PROM1: variants seen among roughly 807,000 people sequenced by gnomAD.
PROM1 encodes prominin-1.
A neutral mutation model predicts 116.9 loss-of-function variants in PROM1; 105 were observed. That is an observed-to-expected ratio of 0.90 (90% CI 0.77 to 1.06). The LOEUF is 1.06. Among genes scored for constraint, PROM1 ranks in the 50% least tolerant of loss-of-function variants. The probability of loss-of-function intolerance (pLI) is 0.00; values close to 1 mark genes in which losing one functional copy is unlikely to be tolerated. For missense variants in PROM1, 1,122 were observed against 1,045.2 expected (o/e 1.07, Z -1.01); for synonymous variants, 393 against 387.0 (o/e 1.02, Z -0.18).
At position 16,004,832 on chromosome 4, in the gene PROM1, T is replaced by TTCTTTCTTTCTTTTTCTTC. The variant is rs1203366908; in HGVS notation, c.1454+1705_1454+1706insGAAGAAAAAGAAAGAAAGA. Reference sequence around the variant, plus strand: ...CTTTCTTTCTTTCTTTCTTTCTTTTTCTTCCTTCCTTCCTTCCTTCCTTCC... The same window carrying TTCTTTCTTTCTTTTTCTTC: ...CTTTCTTTCTTTCTTTCTTTCTTTTTTCTTTCTTTCTTTTTCTTCCTTCCTTCCTTCCTTCCTTCCTTCC... On this transcript the variant is annotated intron_variant, in intron 13 of 27. Transcript: ENST00000447510. Among the ~76,000 whole-genome samples, 6 of 122,612 alleles carry TTCTTTCTTTCTTTTTCTTC rather than the reference T, an allele frequency of 4.9e-5. No homozygotes were observed. In the East Asian group the frequency reaches 1.5e-3, roughly 30 times the overall value. The allele number at this position is 122,612 out of a possible 152,430, so 80.4% of individuals were successfully genotyped here.
intron 10 of PROM1, among the ~76,000 whole-genome samples, chr4:16,013,982 G>A (rs1727621793): frequency 6.6e-6 from 1 of 152,026 alleles, no homozygotes; most frequent in Non-Finnish European, 1.5e-5. Flanking sequence ...GCTTACAGAG[G>A]ATACAACTGT....
At chr4:15,979,279 A>G in intron 26 of PROM1, 116 bp downstream of exon 26, 2 of 1,496,092 alleles carry the variant, frequency 1.3e-6, no homozygotes, top group Non-Finnish European at 1.8e-6. Context: ...GCATTGATAA[A>G]GTATCATACA....
intron 4 of PROM1, among the ~76,000 whole-genome samples, chr4:16,034,344 T>G (rs1250902927): frequency 6.6e-6 from 1 of 152,184 alleles, no homozygotes; most frequent in Non-Finnish European, 1.5e-5. Context: ...ATACGTACCT[T>G]GTCAAGTCAT....
Position 15,968,882 on chromosome 4 carries a change from A to G in PROM1, c.*511T>C, listed in dbSNP as rs1193589538. The stretch of plus-strand genomic sequence containing the variant: ...CCAAGAAGTCAATGGTGACTTATTT[A>G]GCTCATTTAGAAGAAAGTCCTATAA... On this transcript the variant is annotated 3_prime_UTR_variant, in exon 28 of 28. Coordinates refer to ENST00000447510, the MANE Select transcript of PROM1 (RefSeq NM_006017.3). 6.6e-6 allele frequency: 1 copy of G among 152,258 alleles called. No homozygotes were observed. Among genetic ancestry groups the G allele is most frequent in the Non-Finnish European group, 1.5e-5 (1 of 68,044 alleles). 9.4% of individuals were successfully genotyped at this position (152,258 alleles called of 1,614,324 possible). A position where few individuals can be genotyped will look rare whatever the true frequency, so the allele number is the denominator to read the frequency against.
intron 4 of PROM1, 111 bp from the exon 5 acceptor site, chr4:16,033,620 C>T (rs1187026979): frequency 1.9e-5 from 16 of 849,490 alleles, no homozygotes; most frequent in African/African-American, 1.6e-4. Flanking sequence ...GACAGGGTCT[C>T]GCTCTGTTGC....
chr4:16,004,890 TCCCC>T (rs1459984731), intron 13 of PROM1, among the ~76,000 whole-genome samples: 4 of 111,258 alleles, frequency 3.6e-5, no homozygotes, highest in Non-Finnish European at 5.7e-5. Flanking sequence ...TCTCTCTCCC[TCCCC>T]CTCTCTCTCT....
chr4:15,989,726 T>C lies in PROM1; in HGVS notation c.2076+6A>G. 1 of 1,589,160 alleles carries C rather than the reference T, an allele frequency of 6.3e-7. No homozygotes were observed. Among genetic ancestry groups the C allele is most frequent in the Non-Finnish European group, 8.6e-7 (1 of 1,162,304 alleles). On this transcript the variant is annotated splice_donor_region_variant and intron_variant, in intron 19 of 27. Coordinates refer to ENST00000447510, the MANE Select transcript of PROM1 (RefSeq NM_006017.3). ...CAGTGAAATACAATACGTCGTTGAC[T>C]GTTACCAGTGATTGTTCTATAGGAA...
At chr4:16,054,304 A>G (rs1393211453) in intron 2 of PROM1, among the ~76,000 whole-genome samples, 1 of 152,032 alleles carries the variant, frequency 6.6e-6, no homozygotes, top group Non-Finnish European at 1.5e-5. Context: ...GCCTCCATCA[A>G]TTGTCTTTAA....
intron 12 of PROM1, among the ~76,000 whole-genome samples, chr4:16,006,927 G>A (rs1283140005): frequency 6.6e-6 from 1 of 152,156 alleles, no homozygotes; most frequent in African/African-American, 2.4e-5. Flanking sequence ...TGTTCCTGGT[G>A]GTCATGGGAT....
chr4:16,067,776 C>G (rs1279791916), intron 2 of PROM1, among the ~76,000 whole-genome samples: 1 of 152,204 alleles, frequency 6.6e-6, no homozygotes, highest in Non-Finnish European at 1.5e-5. Context: ...TCAGCCGCCC[C>G]TTTCCTGGGT....
At chr4:15,973,233 C>G (rs965853615) in intron 26 of PROM1, among the ~76,000 whole-genome samples, 1 of 152,160 alleles carries the variant, frequency 6.6e-6, no homozygotes, top group Non-Finnish European at 1.5e-5. Flanking sequence ...GATCACTTGA[C>G]GTCAGGAGTT....
chr4:16,021,966 A>C (rs191470292), intron 8 of PROM1, among the ~76,000 whole-genome samples: 25 of 152,278 alleles, frequency 1.6e-4, no homozygotes, highest in Admixed American at 1.6e-3. Context: ...CTAATCCAAC[A>C]GAACTGATGT....
chr4:15,983,180 G>A (rs756637130), intron 23 of PROM1, among the ~76,000 whole-genome samples: 5 of 152,138 alleles, frequency 3.3e-5, no homozygotes, highest in African/African-American at 1.2e-4. Context: ...TGAGGAAAAC[G>A]GAGCTCAGCC....
intron 13 of PROM1, among the ~76,000 whole-genome samples, chr4:16,001,802 A>G (rs1328753250): frequency 6.6e-6 from 1 of 152,176 alleles, no homozygotes; most frequent in Non-Finnish European, 1.5e-5. Flanking sequence ...GCTATAGGGA[A>G]GAGGCAGTGT....
chr4:16,012,363 C>T (rs1727093194), intron 11 of PROM1, among the ~76,000 whole-genome samples: 1 of 152,166 alleles, frequency 6.6e-6, no homozygotes, highest in African/African-American at 2.4e-5. Flanking sequence ...ACTGCTTCCA[C>T]TGCATTCTCT....
chr4:16,077,744 G>A (rs1436742995), intron 1 of PROM1, among the ~76,000 whole-genome samples: 2 of 152,116 alleles, frequency 1.3e-5, no homozygotes, highest in Non-Finnish European at 2.9e-5. Flanking sequence ...GCTCTAGTAC[G>A]AGCCACTGGG....
At chr4:15,996,985 G>A (rs947805396) in intron 15 of PROM1, among the ~76,000 whole-genome samples, 1 of 151,832 alleles carries the variant, frequency 6.6e-6, no homozygotes, top group Non-Finnish European at 1.5e-5. Context: ...CCGGCCCTTC[G>A]GTCTCACAGT....
At chr4:16,030,811 C>T (rs747080330) in intron 5 of PROM1, among the ~76,000 whole-genome samples, 5 of 152,058 alleles carry the variant, frequency 3.3e-5, no homozygotes, top group African/African-American at 9.7e-5. Context: ...TTTGGGAGGT[C>T]GAGGAGGGCA....
At chr4:16,055,676 CAG>C (rs1257237508) in intron 2 of PROM1, among the ~76,000 whole-genome samples, 7 of 152,148 alleles carry the variant, frequency 4.6e-5, no homozygotes, top group African/African-American at 1.7e-4. Flanking sequence ...AGAAAGGAAA[CAG>C]ATGTGAAAAC....
Sources: gnomAD v4.1 joint callset for allele counts (sites outside exome capture counted in the v4.1 genomes callset) on GRCh38, gnomAD v4.1.1 for gene constraint, MANE v1.5 for transcripts, NCBI Gene and HGNC (gene_info 2026-07-23, HGNC 2026-07-21) for gene names.